SLBP: variants seen among roughly 807,000 people sequenced by gnomAD.
The protein encoded by SLBP is histone RNA hairpin-binding protein.
In SLBP, 29 loss-of-function variants were observed where a neutral mutation model predicts 39.2. The observed-to-expected ratio is 0.74, with a 90% confidence interval of 0.55 to 1.01. The LOEUF (loss-of-function observed/expected upper bound fraction) is 1.01. Ranked by LOEUF, SLBP falls within the 50% of genes least tolerant of loss-of-function variation. The pLI, the probability that SLBP is intolerant of heterozygous loss-of-function variation, is 0.00. For missense variants in SLBP, 390 were observed against 350.2 expected, an observed-to-expected ratio of 1.11 and a Z score of -0.91; for synonymous variants, 129 against 118.7, an observed-to-expected ratio of 1.09 and a Z score of -0.57.
At chr4:1,701,074 C>T (rs1180251771) in intron 3 of SLBP, among the ~76,000 whole-genome samples, 1 of 152,032 alleles carries the variant, frequency 6.6e-6, no homozygotes, top group Non-Finnish European at 1.5e-5. Flanking sequence ...GCTGCAGGGC[C>T]TCATTCTCTC....
At chr4:1,708,973 G>A (rs988437561) in intron 2 of SLBP, among the ~76,000 whole-genome samples, 2 of 152,060 alleles carry the variant, frequency 1.3e-5, no homozygotes, top group Non-Finnish European at 2.9e-5. Flanking sequence ...CCACTGGAGA[G>A]TTCAGAGCTT....
At chr4:1,707,710 G>C (rs1716576285) in intron 2 of SLBP, among the ~76,000 whole-genome samples, 1 of 151,758 alleles carries the variant, frequency 6.6e-6, no homozygotes, top group African/African-American at 2.4e-5. Context: ...ACTTTAGAAG[G>C]CTGAGGCGGG....
At chr4:1,705,298 T>G (rs1716476874) in intron 2 of SLBP, among the ~76,000 whole-genome samples, 1 of 152,206 alleles carries the variant, frequency 6.6e-6, no homozygotes, top group Non-Finnish European at 1.5e-5. Context: ...TTCTCATTCA[T>G]GATGAGATTA....
Position 1,703,797 on chromosome 4 carries a change from G to A in SLBP, c.177-97C>T, listed in dbSNP as rs1359004691. On this transcript the variant is annotated intron_variant, in intron 2 of 7. Coordinates refer to ENST00000489418, the MANE Select transcript of SLBP (RefSeq NM_006527.4). ...TATTCAAAGGCTGGTGGGACACAGT[G>A]GCTTGTGCCTGTAATACCAGCACTT... The A allele has an allele frequency of 6.7e-6, 6 of 897,676 alleles. 1 individual carries two copies. The highest frequency in any genetic ancestry group is 2.4e-5 in the East Asian group (1 of 41,034). The allele number at this position is 897,676 out of a possible 1,614,324, so 55.6% of individuals were successfully genotyped here. A position where few individuals can be genotyped will look rare whatever the true frequency, so the allele number is the denominator to read the frequency against.
chr4:1,697,159 A>T (rs1327846430), intron 5 of SLBP, among the ~76,000 whole-genome samples: 6 of 25,104 alleles, frequency 2.4e-4, no homozygotes, highest in African/African-American at 6.0e-4. Flanking sequence ...ACTCCACCTT[A>T]AAAAAAAAAA....
chr4:1,697,939 G>A (rs969176479), intron 5 of SLBP, among the ~76,000 whole-genome samples: 17 of 151,654 alleles, frequency 1.1e-4, no homozygotes, highest in African/African-American at 3.9e-4. Flanking sequence ...CAGCCTGGGC[G>A]ACATAGGGAG....
At chr4:1,699,808 A>G in intron 4 of SLBP, 107 bp from the exon 5 acceptor site, 4 of 1,092,926 alleles carry the variant, frequency 3.7e-6, no homozygotes, top group Non-Finnish European at 5.4e-6. Context: ...TTCACTCCAG[A>G]TTCCCAACCA....
At chr4:1,709,613 CTTT>C (rs35077844) in intron 2 of SLBP, among the ~76,000 whole-genome samples, 48 of 141,064 alleles carry the variant, frequency 3.4e-4, no homozygotes, top group African/African-American at 1.0e-3. Context: ...ACATCTACTT[CTTT>C]TTTTTTTTTT....
intron 2 of SLBP, among the ~76,000 whole-genome samples, chr4:1,705,217 G>A (rs778133942): frequency 2.6e-5 from 4 of 152,070 alleles, no homozygotes; most frequent in Non-Finnish European, 4.4e-5. Flanking sequence ...GTGAGCCACC[G>A]TACCCAGACT....
At position 1,712,110 on chromosome 4, in the gene SLBP, G is replaced by T; in HGVS notation, c.59+20C>A. ...CCACGGGGCACGCGCTCCCTCGCCCGCCGCGCAGCCCGGCCTCACCTGGCG... is the reference window on the plus strand; with the variant it reads ...CCACGGGGCACGCGCTCCCTCGCCCTCCGCGCAGCCCGGCCTCACCTGGCG... On this transcript the variant is annotated intron_variant, in intron 1 of 7. Transcript: ENST00000489418. 2.4e-6 allele frequency: 3 copies of T among 1,226,306 alleles called. No individual in the cohort carries two copies. Among genetic ancestry groups the T allele is most frequent in the Non-Finnish European group, 3.0e-6 (3 of 984,558 alleles). 76.0% of individuals were successfully genotyped at this position (1,226,306 alleles called of 1,614,324 possible).
At chr4:1,698,793 A>ATT (rs201493261) in intron 5 of SLBP, among the ~76,000 whole-genome samples, 27 of 146,350 alleles carry the variant, frequency 1.8e-4, no homozygotes, top group Non-Finnish European at 3.0e-5. Flanking sequence ...CAAAAGTAAA[A>ATT]TTTTTTTTTT....
intron 2 of SLBP, among the ~76,000 whole-genome samples, chr4:1,711,512 C>A (rs894200052): frequency 1.3e-5 from 2 of 152,198 alleles, no homozygotes; most frequent in African/African-American, 4.8e-5. Flanking sequence ...AATGGCCAAG[C>A]AGGTAAGCCC....
chr4:1,709,037 C>T (rs1716629303), intron 2 of SLBP, among the ~76,000 whole-genome samples: 1 of 151,740 alleles, frequency 6.6e-6, no homozygotes, highest in African/African-American at 2.4e-5. Flanking sequence ...AGGGCCTCTT[C>T]TGTACCCACC....
intron 3 of SLBP, 67 bp downstream of exon 3, chr4:1,703,529 A>T: frequency 1.0e-6 from 1 of 994,056 alleles, no homozygotes; most frequent in South Asian, 1.3e-5. Context: ...TCTAAGACAA[A>T]TATCAAATTT....
chr4:1,712,077 C>A (rs943882455), intron 1 of SLBP, 53 bp downstream of exon 1: 2 of 1,230,410 alleles, frequency 1.6e-6, no homozygotes, highest in Non-Finnish European at 1.0e-6. Flanking sequence ...CCCCGCACAA[C>A]CCCCGCCCCA....
Position 1,712,166 on chromosome 4 carries a change from G to A in SLBP, c.23C>T (p.Pro8Leu), listed in dbSNP as rs1020435422. 678 of 1,234,550 alleles carry A rather than the reference G, an allele frequency of 5.5e-4. No individual in the cohort carries two copies. The highest frequency in any genetic ancestry group is 6.4e-4 in the Non-Finnish European group (639 of 991,986). 76.5% of individuals were successfully genotyped at this position (1,234,550 alleles called of 1,614,324 possible). ...GTCGCAGCGGCTCTGATGCCTCGGC[G>A]GGCTTCGCGGGCGGCAGGCCATGGC... is the stretch of plus-strand genomic sequence containing the variant. The part of the protein sequence containing the change: MACRPRS[P>L]PRHQSRCDGD... Residue 8 changes from proline (P) to leucine (L), a missense_variant, in exon 1 of 8, where the codon CCG becomes CTG. Transcript: ENST00000489418.
intron 2 of SLBP, among the ~76,000 whole-genome samples, chr4:1,707,503 T>A (rs1366763075): frequency 6.8e-6 from 1 of 146,196 alleles, no homozygotes; most frequent in Admixed American, 6.8e-5. Context: ...AATTAAAATT[T>A]AAAAAATAAT....
chr4:1,711,051 T>TAAAAAAAAAAAAAAAAAAAAAAAAAA (rs34503092), intron 2 of SLBP, among the ~76,000 whole-genome samples: 1 of 121,512 alleles, frequency 8.2e-6, no homozygotes, highest in African/African-American at 3.2e-5. Flanking sequence ...ACCCTGTCTT[T>TAAAAAAAAAAAAAAAAAAAAAAAAAA]AAAAAAAAAA....
chr4:1,712,091 G>A (rs896968737), intron 1 of SLBP, 39 bp downstream of exon 1: 21 of 1,229,008 alleles, frequency 1.7e-5, no homozygotes, highest in Non-Finnish European at 1.9e-5. Flanking sequence ...CGCCCCACGG[G>A]GCACGCGCTC....
Sources: allele counts gnomAD v4.1 joint callset (sites outside exome capture counted in the v4.1 genomes callset), GRCh38; gene constraint gnomAD v4.1.1; transcripts MANE v1.5; gene names NCBI Gene and HGNC (gene_info 2026-07-23, HGNC 2026-07-21).